CAB39: variants seen among roughly 807,000 people sequenced by gnomAD.
The protein encoded by CAB39 is calcium-binding protein 39.
In CAB39, 8 loss-of-function variants were observed where a neutral mutation model predicts 40.0. The observed-to-expected ratio is 0.20, with a 90% confidence interval of 0.12 to 0.36. The LOEUF is 0.36. Among genes scored for constraint, CAB39 ranks in the 10% least tolerant of loss-of-function variants. The pLI, the probability that CAB39 is intolerant of heterozygous loss-of-function variation, is 1.00. For synonymous variants in CAB39, 156 were observed against 141.6 expected (o/e 1.10, Z -0.72); for missense variants, 270 against 401.1 (o/e 0.67, Z 2.79).
At chr2:230,789,506 G>A (rs1695855095) in intron 2 of CAB39, among the ~76,000 whole-genome samples, 1 of 152,182 alleles carries the variant, frequency 6.6e-6, no homozygotes, top group South Asian at 2.1e-4. Flanking sequence ...TGCCTACTGA[G>A]GCAAAACCCC....
At chr2:230,727,565 C>T (rs966195909) in intron 1 of CAB39, among the ~76,000 whole-genome samples, 4 of 151,664 alleles carry the variant, frequency 2.6e-5, no homozygotes, top group Non-Finnish European at 5.9e-5. Flanking sequence ...CAGGTGTGCA[C>T]CACCATACCC....
intron 2 of CAB39, among the ~76,000 whole-genome samples, chr2:230,769,912 A>C (rs1695453952): frequency 6.6e-6 from 1 of 152,016 alleles, no homozygotes; most frequent in South Asian, 2.1e-4. Flanking sequence ...AGCTGAGATC[A>C]CACCACTTGA....
At chr2:230,734,756 T>A (rs1694755507) in intron 1 of CAB39, among the ~76,000 whole-genome samples, 1 of 151,890 alleles carries the variant, frequency 6.6e-6, no homozygotes, top group Non-Finnish European at 1.5e-5. Context: ...CATGAAGGCC[T>A]GAGGGAGTCT....
chr2:230,754,803 G>C (rs192719762), intron 1 of CAB39, among the ~76,000 whole-genome samples: 254 of 152,320 alleles, frequency 1.7e-3, no homozygotes, highest in African/African-American at 5.7e-3. Context: ...ACAGGCATGA[G>C]CCACTGCGCC....
At chr2:230,716,616 G>C (rs1366983383) in intron 1 of CAB39, among the ~76,000 whole-genome samples, 1 of 152,214 alleles carries the variant, frequency 6.6e-6, no homozygotes, top group Admixed American at 6.5e-5. Context: ...TGCCCAGGCT[G>C]GTCTTGAACT....
At chr2:230,791,358 G>A (rs932670917) in intron 3 of CAB39, among the ~76,000 whole-genome samples, 9 of 152,136 alleles carry the variant, frequency 5.9e-5, no homozygotes, top group Admixed American at 3.3e-4. Flanking sequence ...TAATTCACTG[G>A]CCCTTGACTT....
At chr2:230,769,838 A>G (rs571475756) in intron 2 of CAB39, among the ~76,000 whole-genome samples, 64 of 151,112 alleles carry the variant, frequency 4.2e-4, no homozygotes, top group Middle Eastern at 3.4e-3. Flanking sequence ...AAAAAAAAAA[A>G]GGGCCGGGAC....
intron 2 of CAB39, among the ~76,000 whole-genome samples, chr2:230,764,569 C>G (rs1695350424): frequency 6.6e-6 from 1 of 152,204 alleles, no homozygotes; most frequent in Non-Finnish European, 1.5e-5. Context: ...TAAAAATTAA[C>G]ATTTTTAAAT....
intron 1 of CAB39, among the ~76,000 whole-genome samples, chr2:230,717,050 CTT>C (rs1007615391): frequency 1.1e-4 from 16 of 152,210 alleles, no homozygotes; most frequent in Non-Finnish European, 1.9e-4. Flanking sequence ...TCATTTTCCT[CTT>C]TTTCATTGCT....
chr2:230,798,914 A>C lies in CAB39; in HGVS notation c.567+17A>C. On this transcript the variant is annotated intron_variant, in intron 5 of 8. Transcript: ENST00000258418. ...ACATTCAAGGTAACAAAAACTGTAG[A>C]ATTCTAAATATCCTTGAAAGTCAGA... is the stretch of plus-strand genomic sequence containing the variant. 6.4e-7 allele frequency: 1 copy of C among 1,567,056 alleles called. No homozygotes were observed. Among genetic ancestry groups the C allele is most frequent in the Non-Finnish European group, 8.7e-7 (1 of 1,148,214 alleles).
At chr2:230,739,592 T>A (rs1036940619) in intron 1 of CAB39, among the ~76,000 whole-genome samples, 1 of 152,220 alleles carries the variant, frequency 6.6e-6, no homozygotes, top group Non-Finnish European at 1.5e-5. Context: ...CCTCCCGGGT[T>A]CAAGCGATTC....
At chr2:230,736,388 C>G (rs1694789203) in intron 1 of CAB39, among the ~76,000 whole-genome samples, 1 of 151,860 alleles carries the variant, frequency 6.6e-6, no homozygotes, top group Admixed American at 6.6e-5. Flanking sequence ...TTTTTCTTCT[C>G]CCCTTCTGTC....
intron 1 of CAB39, among the ~76,000 whole-genome samples, chr2:230,725,909 T>C (rs1694561602): frequency 6.6e-6 from 1 of 152,206 alleles, no homozygotes; most frequent in South Asian, 2.1e-4. Context: ...ATCATCAGAC[T>C]GCACTTGATG....
At chr2:230,718,542 G>A (rs1458593937) in intron 1 of CAB39, among the ~76,000 whole-genome samples, 5 of 152,170 alleles carry the variant, frequency 3.3e-5, no homozygotes, top group Non-Finnish European at 7.3e-5. Context: ...CTCTGCTGTG[G>A]GCTCTATAAC....
Position 230,713,000 on chromosome 2 carries a change from G to C in CAB39, c.-274G>C, listed in dbSNP as rs1451384490. 1 of 150,886 alleles carries C rather than the reference G, an allele frequency of 6.6e-6. No homozygotes were observed. 9.3% of individuals were successfully genotyped at this position (150,886 alleles called of 1,614,324 possible). A position where few individuals can be genotyped will look rare whatever the true frequency, so the allele number is the denominator to read the frequency against. ...CCACAGCAGCAGCCGCAGCCCAAGCGAGCGCAGCAGCGCGGCGGCAGCCGC... is the reference window on the plus strand; with the variant it reads ...CCACAGCAGCAGCCGCAGCCCAAGCCAGCGCAGCAGCGCGGCGGCAGCCGC... On this transcript the variant is annotated 5_prime_UTR_variant, in exon 1 of 9. Coordinates refer to ENST00000258418, the MANE Select transcript of CAB39 (RefSeq NM_016289.4).
intron 2 of CAB39, among the ~76,000 whole-genome samples, chr2:230,775,630 A>T (rs1485935695): frequency 2.6e-5 from 4 of 152,214 alleles, no homozygotes. Flanking sequence ...ATTTTGCTAA[A>T]TAGATCCCTT....
chr2:230,812,589 A>G (rs891238566), intron 6 of CAB39, among the ~76,000 whole-genome samples: 1 of 152,236 alleles, frequency 6.6e-6, no homozygotes, highest in Non-Finnish European at 1.5e-5. Flanking sequence ...GATTAAAAGC[A>G]GGTCCAGTTG....
intron 2 of CAB39, among the ~76,000 whole-genome samples, chr2:230,773,190 G>T (rs1449092389): frequency 6.6e-6 from 1 of 152,062 alleles, no homozygotes; most frequent in African/African-American, 2.4e-5. Flanking sequence ...TAGGGGAAGG[G>T]TTGCATGGTA....
intron 1 of CAB39, among the ~76,000 whole-genome samples, chr2:230,720,654 T>G (rs1178552187): frequency 7.2e-5 from 11 of 152,158 alleles, no homozygotes; most frequent in Admixed American, 7.2e-4. Context: ...ACTCCTGACC[T>G]TGTGATCCGC....
Sources: allele counts gnomAD v4.1 joint callset (sites outside exome capture counted in the v4.1 genomes callset), GRCh38; gene constraint gnomAD v4.1.1; transcripts MANE v1.5; gene names NCBI Gene and HGNC (gene_info 2026-07-23, HGNC 2026-07-21).